The following ZNF597 variants were observed in gnomAD, a reference collection of about 807,000 sequenced individuals.
The protein encoded by ZNF597 is zinc finger protein 597.
A neutral mutation model predicts 7.3 loss-of-function variants in ZNF597; 5 were observed. The ratio of observed to expected loss-of-function variants is 0.68; its 90% CI spans 0.36 to 1.44. The LOEUF (loss-of-function observed/expected upper bound fraction) is 1.44, where lower values mean the gene tolerates loss of function less well. Ranked by LOEUF, ZNF597 falls within the 40% of genes most tolerant of loss-of-function variation. ZNF597 has a pLI of 0.04. For missense variants in ZNF597, 585 were observed against 517.9 expected (o/e 1.13, Z -1.26); for synonymous variants, 209 against 185.4 (o/e 1.13, Z -1.04).
Position 3,435,563 on chromosome 16 carries a change from A to T in ZNF597, c.*861T>A, listed in dbSNP as rs1274667961. ...CAGTTTCCTCGTTTATGAAACAAAG[A>T]TTTTTTTTCTCTGTCACAGATTCTG... On this transcript the variant is annotated 3_prime_UTR_variant, in exon 4 of 4. Coordinates refer to ENST00000301744, the MANE Select transcript of ZNF597 (RefSeq NM_152457.3). 2.0e-5 allele frequency: 3 copies of T among 151,868 alleles called. No homozygotes were observed. The highest frequency in any genetic ancestry group is 6.6e-5 in the Admixed American group (1 of 15,232). 9.4% of individuals were successfully genotyped at this position (151,868 alleles called of 1,614,324 possible). A position where few individuals can be genotyped will look rare whatever the true frequency, so the allele number is the denominator to read the frequency against.
intron 2 of ZNF597, 114 bp downstream of exon 2, chr16:3,443,007 G>T: frequency 7.9e-7 from 1 of 1,265,896 alleles, no homozygotes; most frequent in Non-Finnish European, 1.2e-6. Context: ...GGGCTATTTG[G>T]GGCTCAGGAG....
intron 2 of ZNF597, among the ~76,000 whole-genome samples, chr16:3,442,002 A>G (rs1390388317): frequency 6.6e-6 from 1 of 151,630 alleles, no homozygotes; most frequent in African/African-American, 2.4e-5. Flanking sequence ...AAAGAAAAGA[A>G]AAGGAGAAAG....
In ZNF597 at chr16:3,434,016, G is replaced by A. The variant is rs565826654; in HGVS notation, c.*2408C>T. The A allele has an allele frequency of 9.9e-5, 15 of 152,188 alleles. No individual in the cohort carries two copies. In the East Asian group the frequency reaches 2.7e-3, roughly 27 times the overall value. The allele number at this position is 152,188 out of a possible 1,614,324, so 9.4% of individuals were successfully genotyped here. On this transcript the variant is annotated 3_prime_UTR_variant, in exon 4 of 4. Coordinates refer to ENST00000301744, the MANE Select transcript of ZNF597 (RefSeq NM_152457.3). ...AGAGGTTAATTGTGAAGGAAGACTC[G>A]TGTGGAAAGGCAAACTTCCATATTA...
chr16:3,440,912 G>T lies in ZNF597; in HGVS notation c.55C>A (p.Leu19Met). The part of the protein sequence containing the change: ...EAQGPILFED[L>M]AVYFSQEECV... ...TCCTCTTGAGAAAAATACACAGCCAGATCCTCAAAGAGTATTGGTCCCTGA... is the reference window on the plus strand; with the variant it reads ...TCCTCTTGAGAAAAATACACAGCCATATCCTCAAAGAGTATTGGTCCCTGA... The change falls in exon 3 of 4, where the codon CTG becomes ATG. Residue 19 changes from leucine (L) to methionine (M), a missense_variant. Physicochemically the swap from Leu to Met is conservative, Grantham distance 15. Transcript: ENST00000301744. 1 of 1,613,954 alleles carries T rather than the reference G, an allele frequency of 6.2e-7. No homozygotes were observed.
rs201115318 is a variant in ZNF597 at position 3,436,967 on chromosome 16, T to C, written c.732A>G (p.Ile244Met). Residue 244 changes from isoleucine (I) to methionine (M), a missense_variant, in exon 4 of 4, where the codon ATA becomes ATG. By Grantham distance (10) the Ile-to-Met change is conservative. Coordinates refer to ENST00000301744, the MANE Select transcript of ZNF597 (RefSeq NM_152457.3). The stretch of plus-strand genomic sequence containing the variant: ...GGAGCCACATAAAACCTCTACCACA[T>C]ATGCTACATGTATAGGGCTTCTCCT... The part of the protein sequence containing the change: ...HVKEKPYTCS[I>M]CGRGFMWLPG... 19 of 1,614,194 alleles carry C rather than the reference T, an allele frequency of 1.2e-5. No homozygotes were observed. The East Asian group carries it at 4.0e-4, about 34-fold the overall frequency.
In ZNF597 at chr16:3,443,427, A is replaced by G; in HGVS notation, c.-121T>C. Reference sequence around the variant, plus strand: ...CTGCAGAAAGCGACGCCCGACCGAGACGCGACGAAGAACGCCACGGCCACT... The same window carrying G: ...CTGCAGAAAGCGACGCCCGACCGAGGCGCGACGAAGAACGCCACGGCCACT... On this transcript the variant is annotated 5_prime_UTR_variant, in exon 1 of 4. Coordinates refer to ENST00000301744, the MANE Select transcript of ZNF597 (RefSeq NM_152457.3). 1 of 522,140 alleles carries G rather than the reference A, an allele frequency of 1.9e-6. No individual in the cohort carries two copies. The highest frequency in any genetic ancestry group is 3.3e-6 in the Non-Finnish European group (1 of 298,862). 32.3% of individuals were successfully genotyped at this position (522,140 alleles called of 1,614,324 possible).
chr16:3,441,034 T>C, intron 2 of ZNF597, 101 bp from the exon 3 acceptor site: 2 of 1,499,736 alleles, frequency 1.3e-6, no homozygotes, highest in East Asian at 2.3e-5. Flanking sequence ...ATGCACGGGA[T>C]AAAAGGCTCG....
intron 3 of ZNF597, among the ~76,000 whole-genome samples, chr16:3,438,185 A>T (rs955320561): frequency 1.4e-4 from 21 of 150,594 alleles, no homozygotes; most frequent in Non-Finnish European, 1.6e-4. Flanking sequence ...ATTGCACTCC[A>T]GCCTAGGTGA....
rs1452464329 is a variant in ZNF597, at chr16:3,437,261, A to C, written c.438T>G (p.Asp146Glu). Residue 146 changes from aspartate (D) to glutamate (E), a missense_variant, in exon 4 of 4, where the codon GAT becomes GAG. Transcript: ENST00000301744. ...LGTNTLSEIL[D>E]SPWEGAKNVY... ...CATTTTTGGCTCCTTCCCAGGGAGA[A>C]TCAAGAATTTCAGAAAGTGTGTTGG... 2.5e-6 allele frequency: 4 copies of C among 1,614,082 alleles called. No individual in the cohort carries two copies. The African/African-American group carries it at 4.0e-5, about 16-fold the overall frequency.
At chr16:3,442,310 T>C (rs942370210) in intron 2 of ZNF597, among the ~76,000 whole-genome samples, 1 of 143,460 alleles carries the variant, frequency 7.0e-6, no homozygotes, top group Non-Finnish European at 1.5e-5. Flanking sequence ...TCCTAGCACT[T>C]TGGGGAGCCG....
At chr16:3,437,736 C>G (rs2034320649) in intron 3 of ZNF597, among the ~76,000 whole-genome samples, 198 bp from the exon 4 acceptor site, 1 of 70,484 alleles carries the variant, frequency 1.4e-5, no homozygotes, top group South Asian at 5.7e-4. Flanking sequence ...GGTGAATATC[C>G]AAAGGTAAGG....
At chr16:3,439,213 TACAAAAAAAAAACA>T (rs1427660217) in intron 3 of ZNF597, among the ~76,000 whole-genome samples, 1 of 149,470 alleles carries the variant, frequency 6.7e-6, no homozygotes, top group Admixed American at 6.7e-5. Flanking sequence ...GCCCCATCCC[TACAAAAAAAAAACA>T]ACAAAAAAAG....
chr16:3,442,674 CAAA>C (rs60660497), intron 2 of ZNF597, among the ~76,000 whole-genome samples: 108 of 135,236 alleles, frequency 8.0e-4, no homozygotes, highest in African/African-American at 1.4e-3. Context: ...GACTCTGTAT[CAAA>C]AAAAAAAAAA....
At chr16:3,443,263 C>G (rs1167190891) in intron 1 of ZNF597, 57 bp from the exon 2 acceptor site, 6 of 1,121,080 alleles carry the variant, frequency 5.4e-6, no homozygotes, top group Non-Finnish European at 7.7e-6. Context: ...AGTTCCTCCA[C>G]TACCCCTAGC....
rs1045856573 is a variant in ZNF597 at position 3,440,925 on chromosome 16, T to A, written c.42A>T (p.Ile14=). The A allele has an allele frequency of 4.3e-6, 7 of 1,612,962 alleles. No homozygotes were observed. The highest frequency in any genetic ancestry group is 5.9e-6 in the Non-Finnish European group (7 of 1,179,600). The change falls in exon 3 of 4, where the codon ATA becomes ATT. Residue 14 remains isoleucine, a synonymous_variant. Transcript: ENST00000301744. ...AATACACAGCCAGATCCTCAAAGAGTATTGGTCCCTGAAACACAAGAGCCT... is the reference window on the plus strand; with the variant it reads ...AATACACAGCCAGATCCTCAAAGAGAATTGGTCCCTGAAACACAAGAGCCT... ...MPPTPEAQGP[I]LFEDLAVYFS...
At chr16:3,441,975 C>G (rs1438536016) in intron 2 of ZNF597, among the ~76,000 whole-genome samples, 1 of 120,906 alleles carries the variant, frequency 8.3e-6, no homozygotes, top group Non-Finnish European at 1.7e-5. Flanking sequence ...GCGAGACTGT[C>G]TCAAAAAAAA....
rs1331116676 is a variant in ZNF597, at chr16:3,440,918, C to T, written c.49G>A (p.Glu17Lys). ...TPEAQGPILFEDLAVYFSQEE... is the reference protein window; with the variant it reads ...TPEAQGPILFKDLAVYFSQEE... ...TGAGAAAAATACACAGCCAGATCCT[C>T]AAAGAGTATTGGTCCCTGAAACACA... The change falls in exon 3 of 4, where the codon GAG (glutamate) becomes AAG (lysine). Residue 17 changes from glutamate to lysine, a missense_variant. Transcript: ENST00000301744. 6 of 1,613,744 alleles carry T rather than the reference C, an allele frequency of 3.7e-6. No individual in the cohort carries two copies. Among genetic ancestry groups the T allele is most frequent in the African/African-American group, 1.3e-5 (1 of 74,926 alleles).
chr16:3,440,710 C>A, intron 3 of ZNF597, 97 bp downstream of exon 3: 1 of 1,456,080 alleles, frequency 6.9e-7, no homozygotes, highest in African/African-American at 1.4e-5. Context: ...TACTGAGGGA[C>A]AGGTCCCACT....
Position 3,436,308 on chromosome 16 carries a change from T to G in ZNF597, c.*116A>C. The G allele has an allele frequency of 2.1e-6, 2 of 961,504 alleles. No individual in the cohort carries two copies. The highest frequency in any genetic ancestry group is 3.4e-5 in the South Asian group (2 of 58,518). 59.6% of individuals were successfully genotyped at this position (961,504 alleles called of 1,614,324 possible). A position where few individuals can be genotyped will look rare whatever the true frequency, so the allele number is the denominator to read the frequency against. On this transcript the variant is annotated 3_prime_UTR_variant, in exon 4 of 4. Transcript: ENST00000301744. ...CACGGTTGTGCTGAGAATTAAGTAT[T>G]ACATGGGAATGTGTGTAAAGTGCTT...
Sources: gnomAD v4.1 joint callset for allele counts (sites outside exome capture counted in the v4.1 genomes callset) on GRCh38, gnomAD v4.1.1 for gene constraint, MANE v1.5 for transcripts, NCBI Gene and HGNC (gene_info 2026-07-23, HGNC 2026-07-21) for gene names.